BLVRA: variants seen among roughly 807,000 people sequenced by gnomAD.
The protein encoded by BLVRA is biliverdin reductase A.
Under a neutral mutation model 32.8 loss-of-function variants are expected in BLVRA, and 22 were observed. The ratio of observed to expected loss-of-function variants is 0.67; its 90% CI spans 0.48 to 0.96. The LOEUF (loss-of-function observed/expected upper bound fraction) is 0.96, where lower values mean the gene tolerates loss of function less well. BLVRA is among the 40% of genes least tolerant of loss of function. The pLI, the probability that BLVRA is intolerant of heterozygous loss-of-function variation, is 0.00. For missense variants in BLVRA, 323 were observed against 358.1 expected, an observed-to-expected ratio of 0.90 and a Z score of 0.79; for synonymous variants, 119 against 141.3, an observed-to-expected ratio of 0.84 and a Z score of 1.12.
intron 2 of BLVRA, among the ~76,000 whole-genome samples, chr7:43,785,353 G>C (rs962980644): frequency 1.4e-5 from 2 of 147,182 alleles, no homozygotes; most frequent in African/African-American, 2.5e-5. Context: ...AAAAAGAAAA[G>C]AAAACAAGAC....
At chr7:43,792,242 G>A (rs187435954) in intron 4 of BLVRA, among the ~76,000 whole-genome samples, 3 of 152,234 alleles carry the variant, frequency 2.0e-5, no homozygotes, top group African/African-American at 7.2e-5. Context: ...CCCTGCATAC[G>A]CTGCTCACAG....
At chr7:43,792,359 C>T (rs2095787103) in intron 4 of BLVRA, among the ~76,000 whole-genome samples, 1 of 152,180 alleles carries the variant, frequency 6.6e-6, no homozygotes, top group African/African-American at 2.4e-5. Context: ...CAAAGCTAGC[C>T]GCTGTGGGTT....
At chr7:43,805,789 T>G (rs1179481887) in intron 7 of BLVRA, among the ~76,000 whole-genome samples, 9 of 151,954 alleles carry the variant, frequency 5.9e-5, no homozygotes, top group Admixed American at 5.9e-4. Context: ...GTAAGATGGG[T>G]TTTTGCTATA....
chr7:43,776,348 T>G (rs1425532276), intron 2 of BLVRA, among the ~76,000 whole-genome samples: 1 of 152,258 alleles, frequency 6.6e-6, no homozygotes, highest in Non-Finnish European at 1.5e-5. Flanking sequence ...TGTGTCTTTA[T>G]TCTCATTGGT....
rs906325527 is a variant in BLVRA, at chr7:43,766,735, G to A, written c.-21-4403G>A. On this transcript the variant is annotated intron_variant, in intron 1 of 7. Transcript: ENST00000265523. ...AGCAGAAGGGGAAACAGCACAGAAAGGATCTGTCTGGCCGTTACAGTTATG... is the reference window on the plus strand; with the variant it reads ...AGCAGAAGGGGAAACAGCACAGAAAAGATCTGTCTGGCCGTTACAGTTATG... Among the ~76,000 whole-genome samples, 3 of 152,208 alleles carry A rather than the reference G, an allele frequency of 2.0e-5. No homozygotes were observed. In the East Asian group the frequency reaches 5.8e-4, roughly 29 times the overall value.
rs2095779615 is a variant in BLVRA, at chr7:43,787,785, G to C, written c.13-119G>C. ...TCCCATCCTGATGCTGTGGCTTCCTGTGTGTTTTGGGCTGGCTTCCATCTT... is the reference window on the plus strand; with the variant it reads ...TCCCATCCTGATGCTGTGGCTTCCTCTGTGTTTTGGGCTGGCTTCCATCTT... On this transcript the variant is annotated intron_variant, in intron 2 of 7. Coordinates refer to ENST00000265523, the MANE Select transcript of BLVRA (RefSeq NM_000712.4). The surrounding 1 kb of genome is among the most constrained non-coding windows in gnomAD (Gnocchi z 4.5). The C allele has an allele frequency of 2.0e-6, 3 of 1,489,396 alleles. No homozygotes were observed. Among genetic ancestry groups the C allele is most frequent in the Non-Finnish European group, 2.8e-6 (3 of 1,069,162 alleles). The allele number at this position is 1,489,396 out of a possible 1,614,324, so 92.3% of individuals were successfully genotyped here. A position where few individuals can be genotyped will look rare whatever the true frequency, so the allele number is the denominator to read the frequency against.
intron 2 of BLVRA, among the ~76,000 whole-genome samples, chr7:43,772,762 A>G (rs1323083701): frequency 6.6e-6 from 1 of 152,216 alleles, no homozygotes; most frequent in Non-Finnish European, 1.5e-5. Flanking sequence ...TTATAAAACC[A>G]TCAGATCTCG....
chr7:43,803,581 A>C, intron 6 of BLVRA, 95 bp from the exon 7 acceptor site: 2 of 1,399,616 alleles, frequency 1.4e-6, no homozygotes, highest in Non-Finnish European at 2.0e-6. Context: ...ACTCGGCCAC[A>C]TCTTTTCACA....
rs763832285 is a variant in BLVRA, at chr7:43,787,944, G to A, written c.53G>A (p.Arg18Gln). ...GGCGTGGTGGTGGTTGGTGTTGGCC[G>A]AGCCGGCTCCGTGCGGATGAGGGAC... is the stretch of plus-strand genomic sequence containing the variant. ...KFGVVVVGVG[R>Q]AGSVRMRDLR... The change falls in exon 3 of 8, where the codon CGA becomes CAA. Residue 18 changes from arginine (R) to glutamine (Q), a missense_variant. By Grantham distance (43) the Arg-to-Gln change is conservative (BLOSUM62 1). Coordinates refer to ENST00000265523, the MANE Select transcript of BLVRA (RefSeq NM_000712.4). The surrounding 1 kb of genome is among the most constrained non-coding windows in gnomAD (Gnocchi z 4.5). The A allele has an allele frequency of 4.6e-5, 75 of 1,614,064 alleles. No individual in the cohort carries two copies. In the East Asian group the frequency reaches 9.4e-4, roughly 20 times the overall value.
At chr7:43,785,389 G>A (rs930349973) in intron 2 of BLVRA, among the ~76,000 whole-genome samples, 3 of 151,952 alleles carry the variant, frequency 2.0e-5, no homozygotes, top group African/African-American at 7.3e-5. Context: ...GACTTACTTG[G>A]TGAAATTGTC....
intron 3 of BLVRA, among the ~76,000 whole-genome samples, chr7:43,788,614 T>G (rs1239122323): frequency 1.3e-5 from 2 of 152,050 alleles, no homozygotes; most frequent in Non-Finnish European, 2.9e-5. Context: ...TTTATTATTA[T>G]TATTATTTTT....
At position 43,758,731 on chromosome 7, in the gene BLVRA, T is replaced by C. The variant is rs2132536642; in HGVS notation, c.-25T>C. On this transcript the variant is annotated 5_prime_UTR_variant, in exon 1 of 8. Coordinates refer to ENST00000265523, the MANE Select transcript of BLVRA (RefSeq NM_000712.4). ...GGCTGCACGGAGAGCGGTGCCCGCG[T>C]CAGGTGAGGCGCGCGCGGGGAACGG... is the stretch of plus-strand genomic sequence containing the variant. 6.6e-6 allele frequency: 1 copy of C among 152,018 alleles called. No individual in the cohort carries two copies. Among genetic ancestry groups the C allele is most frequent in the East Asian group, 1.9e-4 (1 of 5,144 alleles). The allele number at this position is 152,018 out of a possible 1,614,324, so 9.4% of individuals were successfully genotyped here. A position where few individuals can be genotyped will look rare whatever the true frequency, so the allele number is the denominator to read the frequency against.
chr7:43,791,139 T>G, intron 3 of BLVRA, 110 bp from the exon 4 acceptor site: 1 of 1,557,316 alleles, frequency 6.4e-7, no homozygotes, highest in Non-Finnish European at 8.7e-7. Context: ...GAAACTCATT[T>G]CTTCATTTCT....
Position 43,786,775 on chromosome 7 carries a change from CAA to C in BLVRA, c.13-1128_13-1127del, listed in dbSNP as rs1217300148. Among the ~76,000 whole-genome samples, 6 of 152,240 alleles carry C rather than the reference CAA, an allele frequency of 3.9e-5. No homozygotes were observed. In the East Asian group the frequency reaches 7.7e-4, roughly 20 times the overall value. On this transcript the variant is annotated intron_variant, in intron 2 of 7. Coordinates refer to ENST00000265523, the MANE Select transcript of BLVRA (RefSeq NM_000712.4). Reference sequence around the variant, plus strand: ...TGGAAGAAATCCTGGAAGGAGAAGACAAGAGCAGTGGGCACAGGAAGAGGGGC... The same window carrying C: ...TGGAAGAAATCCTGGAAGGAGAAGACGAGCAGTGGGCACAGGAAGAGGGGC...
At chr7:43,789,018 A>C (rs2095782033) in intron 3 of BLVRA, among the ~76,000 whole-genome samples, 1 of 151,320 alleles carries the variant, frequency 6.6e-6, no homozygotes, top group South Asian at 2.1e-4. Context: ...CCATGCTCAA[A>C]TTTTCCACTC....
At chr7:43,758,328 C>T (rs2095738241), upstream of BLVRA, among the ~76,000 whole-genome samples, 1 of 110,812 alleles carries the variant, frequency 9.0e-6, no homozygotes, top group African/African-American at 2.7e-5. Flanking sequence ...ACCCCCCGGG[C>T]CTGCCCCCCC....
chr7:43,803,395 T>C (rs1044838967), intron 6 of BLVRA, among the ~76,000 whole-genome samples: 1 of 152,118 alleles, frequency 6.6e-6, no homozygotes, highest in Non-Finnish European at 1.5e-5. Context: ...ATTATCCTGT[T>C]TGGCTGGATT....
intron 5 of BLVRA, among the ~76,000 whole-genome samples, chr7:43,796,867 A>C (rs1253318401): frequency 1.3e-5 from 2 of 152,224 alleles, no homozygotes; most frequent in Admixed American, 1.3e-4. Context: ...AACAAACCAA[A>C]TAAACTGATT....
intron 7 of BLVRA, 77 bp downstream of exon 7, chr7:43,803,924 C>T (rs1360605924): frequency 1.9e-6 from 3 of 1,554,242 alleles, no homozygotes; most frequent in African/African-American, 2.7e-5. Flanking sequence ...CCAAAGGGAG[C>T]CCCGAGGGGC....
Sources: gnomAD v4.1 joint callset for allele counts (sites outside exome capture counted in the v4.1 genomes callset) on GRCh38, gnomAD v4.1.1 for gene constraint, Gnocchi (gnomAD v3.1) non-coding constraint, MANE v1.5 for transcripts, NCBI Gene and HGNC (gene_info 2026-07-23, HGNC 2026-07-21) for gene names.